The following SCUBE3 variants were observed in gnomAD, a reference collection of about 807,000 sequenced individuals.
SCUBE3 encodes signal peptide, CUB and EGF-like domain-containing protein 3.
A neutral mutation model predicts 116.8 loss-of-function variants in SCUBE3; 33 were observed. The ratio of observed to expected loss-of-function variants is 0.28; its 90% CI spans 0.21 to 0.38. The LOEUF is 0.38. SCUBE3 is among the 10% of genes least tolerant of loss of function. The pLI is 1.00. For missense variants in SCUBE3, 1,007 were observed against 1,324.8 expected (o/e 0.76, Z 3.72); for synonymous variants, 418 against 496.9 (o/e 0.84, Z 2.11).
Position 35,233,435 on chromosome 6 carries a change from C to T in SCUBE3, c.712+134C>T, listed in dbSNP as rs1783633118. On this transcript the variant is annotated intron_variant, in intron 6 of 21. Coordinates refer to ENST00000274938, the MANE Select transcript of SCUBE3 (RefSeq NM_152753.4). The surrounding 1 kb of genome is among the most constrained non-coding windows in gnomAD (Gnocchi z 5.7). ...AGGGACTGGTGAGGGAGTTAAGACC[C>T]AGAAAATGCCAGGTCTAGTAAGGGA... 1.6e-6 allele frequency: 1 copy of T among 635,810 alleles called. No homozygotes were observed. Among genetic ancestry groups the T allele is most frequent in the South Asian group, 1.9e-5 (1 of 52,536 alleles). 39.4% of individuals were successfully genotyped at this position (635,810 alleles called of 1,614,324 possible).
intron 7 of SCUBE3, among the ~76,000 whole-genome samples, chr6:35,238,994 C>T (rs1783904320): frequency 6.6e-6 from 1 of 152,138 alleles, no homozygotes. Context: ...GAAAGGCTGC[C>T]CTCCCTGCCC....
intron 1 of SCUBE3, among the ~76,000 whole-genome samples, chr6:35,218,755 G>A (rs1783019390): frequency 6.6e-6 from 1 of 152,084 alleles, no homozygotes; most frequent in Non-Finnish European, 1.5e-5. Context: ...AGGGGACAGA[G>A]ACTCCCCTCC....
Position 35,244,851 on chromosome 6 carries a change from G to T in SCUBE3, c.2401+40G>T, listed in dbSNP as rs370367672. 51 of 1,601,750 alleles carry T rather than the reference G, an allele frequency of 3.2e-5. No homozygotes were observed. Among genetic ancestry groups the T allele is most frequent in the East Asian group, 4.5e-5 (2 of 44,826 alleles). On this transcript the variant is annotated intron_variant, in intron 18 of 21. Coordinates refer to ENST00000274938, the MANE Select transcript of SCUBE3 (RefSeq NM_152753.4). This position sits in a 1 kb window ranked among gnomAD's most constrained non-coding sequence, Gnocchi z 4.3. The stretch of plus-strand genomic sequence containing the variant: ...AGGCTGTGCAAAAGGGAGGAGAGAG[G>T]CCTGGGAGCAGTGGACATCTAAAGG...
rs1784547134 is a variant in SCUBE3 at position 35,251,293 on chromosome 6, G to A, written c.*2588G>A. ...GGCCTCCCAAGTAGCTGGGATTACA[G>A]GCATGCGCCACCGCGCCCAGCTAAT... is the stretch of plus-strand genomic sequence containing the variant. On this transcript the variant is annotated 3_prime_UTR_variant, in exon 22 of 22. Transcript: ENST00000274938. 6.6e-6 allele frequency: 1 copy of A among 152,142 alleles called. No homozygotes were observed. The highest frequency in any genetic ancestry group is 2.1e-4 in the South Asian group (1 of 4,824). The allele number at this position is 152,142 out of a possible 1,614,324, so 9.4% of individuals were successfully genotyped here.
rs1784274230 is a variant in SCUBE3 at position 35,245,055 on chromosome 6, A to G, written c.2402-173A>G. Among the ~76,000 whole-genome samples the G allele has an allele frequency of 6.6e-6, 1 of 152,226 alleles. No individual in the cohort carries two copies. The highest frequency in any genetic ancestry group is 1.5e-5 in the Non-Finnish European group (1 of 68,042). On this transcript the variant is annotated intron_variant, in intron 18 of 21. Coordinates refer to ENST00000274938, the MANE Select transcript of SCUBE3 (RefSeq NM_152753.4). This position sits in a 1 kb window ranked among gnomAD's most constrained non-coding sequence, Gnocchi z 4.2. ...GACAGGTGAAGTGAGAAGAGAAGGT[A>G]CTAAAAGGGCAGGAAGGAAGATGGA...
At position 35,214,533 on chromosome 6, in the gene SCUBE3, G is replaced by A; in HGVS notation, c.85+30G>A. On this transcript the variant is annotated intron_variant, in intron 1 of 21. Transcript: ENST00000274938. This position sits in a 1 kb window ranked among gnomAD's most constrained non-coding sequence, Gnocchi z 6.3. ...GGAAGGAGGGGCGCGCGGCCTGGGG[G>A]CTGTCCTGGCTGCTGGGCCTCAGGG... 1.5e-6 allele frequency: 2 copies of A among 1,372,868 alleles called. No individual in the cohort carries two copies. Among genetic ancestry groups the A allele is most frequent in the South Asian group, 1.4e-5 (1 of 69,894 alleles). The allele number at this position is 1,372,868 out of a possible 1,614,324, so 85.0% of individuals were successfully genotyped here. A position where few individuals can be genotyped will look rare whatever the true frequency, so the allele number is the denominator to read the frequency against.
intron 1 of SCUBE3, among the ~76,000 whole-genome samples, chr6:35,226,040 C>T (rs1196329745): frequency 6.6e-6 from 1 of 152,190 alleles, no homozygotes; most frequent in Non-Finnish European, 1.5e-5. Flanking sequence ...TTTTGGGTTT[C>T]CCAGTTTCCA....
chr6:35,231,072 G>GC lies in SCUBE3; in HGVS notation c.335-651dup, dbSNP rs1562047661. Among the ~76,000 whole-genome samples the GC allele has an allele frequency of 6.8e-6, 1 of 148,096 alleles. No individual in the cohort carries two copies. The highest frequency in any genetic ancestry group is 1.5e-5 in the Non-Finnish European group (1 of 67,144). On this transcript the variant is annotated intron_variant, in intron 3 of 21. Coordinates refer to ENST00000274938, the MANE Select transcript of SCUBE3 (RefSeq NM_152753.4). This position sits in a 1 kb window ranked among gnomAD's most constrained non-coding sequence, Gnocchi z 4.2. ...GGCAGCTCTCCCCAGATCCCTCCCC[G>GC]CCAAGTTGTCAGACTTTGTTTTGTT... is the stretch of plus-strand genomic sequence containing the variant.
At position 35,244,735 on chromosome 6, in the gene SCUBE3, T is replaced by C; in HGVS notation, c.2325T>C (p.Arg775=). ...TGGGCTCCTATCAGCCCGACTTCCG[T>C]CAGAACTTCTGCAGCCGCTGTCCAG... is the stretch of plus-strand genomic sequence containing the variant. The part of the protein sequence containing the change: ...CAMGSYQPDF[R]QNFCSRCPGN... Residue 775 remains arginine, a synonymous_variant, in exon 18 of 22, where the codon CGT becomes CGC. Coordinates refer to ENST00000274938, the MANE Select transcript of SCUBE3 (RefSeq NM_152753.4). This position sits in a 1 kb window ranked among gnomAD's most constrained non-coding sequence, Gnocchi z 4.3. 6.2e-7 allele frequency: 1 copy of C among 1,614,206 alleles called. No homozygotes were observed. The highest frequency in any genetic ancestry group is 1.1e-5 in the South Asian group (1 of 91,088).
chr6:35,230,894 C>T (rs1783519195), intron 3 of SCUBE3, among the ~76,000 whole-genome samples: 1 of 152,150 alleles, frequency 6.6e-6, no homozygotes, highest in South Asian at 2.1e-4. Context: ...GGGCCATGGA[C>T]TTGGGAGGGC....
Position 35,232,796 on chromosome 6 carries a change from C to A in SCUBE3, c.470-54C>A. The A allele has an allele frequency of 2.5e-6, 4 of 1,579,758 alleles. No individual in the cohort carries two copies. The stretch of plus-strand genomic sequence containing the variant: ...TCCCCAGTTGCCCCCTGTAGTTTTT[C>A]TTTTCTAGACATCCAGGGGTACAGA... On this transcript the variant is annotated intron_variant, in intron 4 of 21. Transcript: ENST00000274938. This position sits in a 1 kb window ranked among gnomAD's most constrained non-coding sequence, Gnocchi z 4.2.
chr6:35,243,160 G>T lies in SCUBE3; in HGVS notation c.1833G>T (p.Pro611=). 1 of 1,614,200 alleles carries T rather than the reference G, an allele frequency of 6.2e-7. No homozygotes were observed. Among genetic ancestry groups the T allele is most frequent in the Non-Finnish European group, 8.5e-7 (1 of 1,180,036 alleles). The part of the protein sequence containing the change: ...AGLDYELAHK[P]GLVAGERAEP... The stretch of plus-strand genomic sequence containing the variant: ...TTGATTATGAGCTGGCCCACAAGCC[G>T]GGCCTGGTAGCCGGGGAGCGAGCAG... The change falls in exon 15 of 22, where the codon CCG becomes CCT. Residue 611 remains proline, a synonymous_variant. Coordinates refer to ENST00000274938, the MANE Select transcript of SCUBE3 (RefSeq NM_152753.4). This position sits in a 1 kb window ranked among gnomAD's most constrained non-coding sequence, Gnocchi z 6.6.
In SCUBE3 at chr6:35,241,309, CA is replaced by C. The variant is rs766656316; in HGVS notation, c.1195+44del. On this transcript the variant is annotated intron_variant, in intron 10 of 21. Coordinates refer to ENST00000274938, the MANE Select transcript of SCUBE3 (RefSeq NM_152753.4). The surrounding 1 kb of genome is among the most constrained non-coding windows in gnomAD (Gnocchi z 4.1). The stretch of plus-strand genomic sequence containing the variant: ...CTGGCCAAAGATGACACTGCCATTT[CA>C]GGGAGCAGTTGGGGTTCTGGAAAGC... 8.1e-5 allele frequency: 127 copies of C among 1,563,576 alleles called. No individual in the cohort carries two copies. Among genetic ancestry groups the C allele is most frequent in the South Asian group, 6.2e-4 (53 of 85,376 alleles).
chr6:35,245,505 A>C lies in SCUBE3; in HGVS notation c.2599+80A>C. The C allele has an allele frequency of 8.4e-7, 1 of 1,194,916 alleles. No homozygotes were observed. Among genetic ancestry groups the C allele is most frequent in the African/African-American group, 1.5e-5 (1 of 66,916 alleles). 74.0% of individuals were successfully genotyped at this position (1,194,916 alleles called of 1,614,324 possible). On this transcript the variant is annotated intron_variant, in intron 19 of 21. Transcript: ENST00000274938. The surrounding 1 kb of genome is among the most constrained non-coding windows in gnomAD (Gnocchi z 4.2). ...GGAGAACAAAGAGAGAGACTGATACAGGAAGAAATGGGGCAGTGAAGTTAG... is the reference window on the plus strand; with the variant it reads ...GGAGAACAAAGAGAGAGACTGATACCGGAAGAAATGGGGCAGTGAAGTTAG...
rs912154257 is a variant in SCUBE3, at chr6:35,250,888, G to A, written c.*2183G>A. The A allele has an allele frequency of 6.6e-6, 1 of 152,078 alleles. No homozygotes were observed. Among genetic ancestry groups the A allele is most frequent in the East Asian group, 1.9e-4 (1 of 5,190 alleles). The allele number at this position is 152,078 out of a possible 1,614,324, so 9.4% of individuals were successfully genotyped here. On this transcript the variant is annotated 3_prime_UTR_variant, in exon 22 of 22. Coordinates refer to ENST00000274938, the MANE Select transcript of SCUBE3 (RefSeq NM_152753.4). ...ATCAGCCAAAACGGCCATAGCAGTA[G>A]GTAGCCAATGACACAGCTAGATTCC...
intron 13 of SCUBE3, 26 bp downstream of exon 13, chr6:35,242,346 T>G: frequency 1.3e-6 from 2 of 1,495,810 alleles, no homozygotes; most frequent in Non-Finnish European, 1.9e-6. Context: ...CCCATTCCAG[T>G]TGGCTGTCTG....
chr6:35,246,978 CA>C (rs998724559), intron 21 of SCUBE3, among the ~76,000 whole-genome samples: 34 of 151,170 alleles, frequency 2.2e-4, no homozygotes, highest in African/African-American at 7.5e-4. Context: ...AACCCTGTCT[CA>C]AAAAAACAAA....
At chr6:35,226,479 C>CTTTTTTTTT (rs1562044702) in intron 1 of SCUBE3, among the ~76,000 whole-genome samples, 7 of 52,168 alleles carry the variant, frequency 1.3e-4, no homozygotes, top group Admixed American at 5.4e-4. Flanking sequence ...TTTTCTATGT[C>CTTTTTTTTT]CTTTTTTTTT....
chr6:35,236,502 G>A (rs1011366159), intron 6 of SCUBE3, among the ~76,000 whole-genome samples: 5 of 152,168 alleles, frequency 3.3e-5, no homozygotes, highest in African/African-American at 1.2e-4. Flanking sequence ...TCCCTACTAG[G>A]TTCCTCCCAT....
Sources: gnomAD v4.1 joint callset for allele counts (sites outside exome capture counted in the v4.1 genomes callset) on GRCh38, gnomAD v4.1.1 for gene constraint, Gnocchi (gnomAD v3.1) non-coding constraint, MANE v1.5 for transcripts, NCBI Gene and HGNC (gene_info 2026-07-23, HGNC 2026-07-21) for gene names.